Variants in STX5 observed in about 807,000 individuals in gnomAD.
STX5 encodes the protein syntaxin 5.
A neutral mutation model predicts 42.9 loss-of-function variants in STX5; 15 were observed. The ratio of observed to expected loss-of-function variants is 0.35; its 90% CI spans 0.23 to 0.54. The LOEUF is 0.54. STX5 is among the 20% of genes least tolerant of loss of function. The pLI, the probability that STX5 is intolerant of heterozygous loss-of-function variation, is 0.91. For missense variants in STX5, 430 were observed against 455.0 expected, an observed-to-expected ratio of 0.95 and a Z score of 0.50; for synonymous variants, 184 against 173.2, an observed-to-expected ratio of 1.06 and a Z score of -0.49.
At chr11:62,809,628 C>T (rs1305297818) in intron 10 of STX5, among the ~76,000 whole-genome samples, 6 of 127,314 alleles carry the variant, frequency 4.7e-5, no homozygotes, top group African/African-American at 9.1e-5. Flanking sequence ...GAGTGGAGAT[C>T]GCACCATTGC....
intron 10 of STX5, among the ~76,000 whole-genome samples, chr11:62,823,232 T>G (rs1009254632): frequency 6.6e-6 from 1 of 151,984 alleles, no homozygotes; most frequent in African/African-American, 2.4e-5. Context: ...TGGAGCGCAG[T>G]GGTTCCATCA....
intron 10 of STX5, among the ~76,000 whole-genome samples, chr11:62,817,820 A>G (rs543645000): frequency 6.6e-6 from 1 of 152,326 alleles, no homozygotes; most frequent in East Asian, 1.9e-4. Context: ...TGACCTGAAA[A>G]TATACATAAA....
rs754742161 is a variant in STX5 at position 62,824,523 on chromosome 11, T to C, written c.722A>G (p.Lys241Arg). The C allele has an allele frequency of 4.3e-6, 7 of 1,614,080 alleles. No homozygotes were observed. Among genetic ancestry groups the C allele is most frequent in the Non-Finnish European group, 5.9e-6 (7 of 1,180,038 alleles). Residue 241 changes from lysine (K) to arginine (R), a missense_variant, in exon 9 of 11, where the codon AAG becomes AGG. By Grantham distance (26) the Lys-to-Arg change is conservative. Coordinates refer to ENST00000294179, the MANE Select transcript of STX5 (RefSeq NM_003164.5). ...GTCCATCATGTCGATGGCGACATCC[T>C]TGGAGGCATGGGACTCTGCCCCCAG... The part of the protein sequence containing the change: ...VVLGAESHAS[K>R]DVAIDMMDSR...
chr11:62,814,480 T>G (rs11329395), intron 10 of STX5, among the ~76,000 whole-genome samples: 135,698 of 150,562 alleles, frequency 0.9, 62,148 homozygotes, highest in East Asian at 1. Flanking sequence ...TTTTTTTTTT[T>G]AGATAAGAGT....
rs193149778 is a variant in STX5, at chr11:62,818,064, C to A, written c.908+6102G>T. Among the ~76,000 whole-genome samples, 1,073 of 151,934 alleles carry A rather than the reference C, an allele frequency of 7.1e-3. 3 individuals are homozygous for A. The highest frequency in any genetic ancestry group is 0.021 in the Middle Eastern group (6 of 292). On this transcript the variant is annotated intron_variant, in intron 10 of 10. Transcript: ENST00000294179. Reference sequence around the variant, plus strand: ...TTCGAGACCAGACTGCCCAACATGGCAAAACCCCATCTCTCCTAAAAATAC... The same window carrying A: ...TTCGAGACCAGACTGCCCAACATGGAAAAACCCCATCTCTCCTAAAAATAC...
chr11:62,822,767 C>T (rs1046587193), intron 10 of STX5, among the ~76,000 whole-genome samples: 1 of 149,554 alleles, frequency 6.7e-6, no homozygotes, highest in African/African-American at 2.5e-5. Flanking sequence ...TTAGGATACA[C>T]GTTCCACAAG....
intron 10 of STX5, among the ~76,000 whole-genome samples, chr11:62,817,683 T>C (rs1449960295): frequency 6.6e-6 from 1 of 152,114 alleles, no homozygotes; most frequent in Non-Finnish European, 1.5e-5. Context: ...TGAGGGAAAA[T>C]ATGCTTGTAC....
intron 10 of STX5, among the ~76,000 whole-genome samples, chr11:62,818,943 G>C (rs890582746): frequency 6.6e-6 from 1 of 151,990 alleles, no homozygotes; most frequent in East Asian, 1.9e-4. Context: ...GGTGAGGCCG[G>C]GTGCGGTGGC....
intron 10 of STX5, among the ~76,000 whole-genome samples, chr11:62,819,899 A>G (rs930685141): frequency 2.1e-5 from 3 of 145,604 alleles, no homozygotes; most frequent in African/African-American, 5.1e-5. Context: ...ATGCGGTTTC[A>G]CCATTTTGGC....
At chr11:62,827,076 C>T (rs1347536220) in intron 5 of STX5, 79 bp downstream of exon 5, 12 of 1,394,484 alleles carry the variant, frequency 8.6e-6, no homozygotes, top group Admixed American at 1.9e-5. Context: ...GCTCTGGGTC[C>T]CCATGGCAAT....
At chr11:62,830,881 AG>A in intron 2 of STX5, 137 bp downstream of exon 2, 1 of 834,460 alleles carries the variant, frequency 1.2e-6, no homozygotes, top group African/African-American at 1.7e-5. Context: ...TGCTTATAGC[AG>A]ACCCTACAGG....
At chr11:62,822,052 T>A (rs891783883) in intron 10 of STX5, among the ~76,000 whole-genome samples, 1 of 151,194 alleles carries the variant, frequency 6.6e-6, no homozygotes, top group African/African-American at 2.4e-5. Context: ...AATAAATACA[T>A]GCATAAATAA....
chr11:62,829,242 T>C (rs2084828991), intron 2 of STX5, among the ~76,000 whole-genome samples: 1 of 150,904 alleles, frequency 6.6e-6, no homozygotes, highest in Non-Finnish European at 1.5e-5. Flanking sequence ...CTGACCAATA[T>C]GGAGAAACCC....
chr11:62,828,621 C>G (rs1422691956), intron 2 of STX5, among the ~76,000 whole-genome samples: 1 of 151,968 alleles, frequency 6.6e-6, no homozygotes, highest in African/African-American at 2.4e-5. Context: ...AGCTACTCAG[C>G]AGGCTGAGGC....
intron 10 of STX5, among the ~76,000 whole-genome samples, chr11:62,811,727 G>C (rs886689087): frequency 2.0e-5 from 3 of 150,964 alleles, no homozygotes; most frequent in African/African-American, 7.3e-5. Flanking sequence ...CTGGCCTCAA[G>C]TAATCTGCCT....
chr11:62,817,387 C>A (rs1268076880), intron 10 of STX5, among the ~76,000 whole-genome samples: 1 of 152,158 alleles, frequency 6.6e-6, no homozygotes, highest in Non-Finnish European at 1.5e-5. Context: ...TCCTATTATA[C>A]CAATCATTCC....
At chr11:62,825,655 G>C (rs2134849659) in intron 5 of STX5, 116 bp from the exon 6 acceptor site, 1 of 918,450 alleles carries the variant, frequency 1.1e-6, no homozygotes, top group Admixed American at 1.9e-5. Context: ...GCCAGAGTGA[G>C]AGTATCTCAG....
chr11:62,808,714 C>T (rs1490772915), intron 10 of STX5, among the ~76,000 whole-genome samples: 1 of 152,136 alleles, frequency 6.6e-6, no homozygotes, highest in Non-Finnish European at 1.5e-5. Flanking sequence ...GCCAATGCCC[C>T]ACAATACCAA....
intron 2 of STX5, among the ~76,000 whole-genome samples, chr11:62,829,045 AAGAG>A (rs1217866385): frequency 6.6e-6 from 1 of 151,494 alleles, no homozygotes; most frequent in Non-Finnish European, 1.5e-5. Context: ...CCTGGCAACA[AAGAG>A]AGACTGTCTC....
Sources: gnomAD v4.1 joint callset for allele counts (sites outside exome capture counted in the v4.1 genomes callset) on GRCh38, gnomAD v4.1.1 for gene constraint, MANE v1.5 for transcripts, NCBI Gene and HGNC (gene_info 2026-07-23, HGNC 2026-07-21) for gene names.